The following RP1 variants were observed in gnomAD, a reference collection of about 807,000 sequenced individuals.
The protein encoded by RP1 is oxygen-regulated protein 1.
A neutral mutation model predicts 14.8 loss-of-function variants in RP1; 16 were observed. The observed-to-expected ratio is 1.08, with a 90% CI of 0.73 to 1.65. The LOEUF (loss-of-function observed/expected upper bound fraction) is 1.65. Among genes scored for constraint, RP1 ranks in the 40% most tolerant of loss-of-function variants. The pLI, the probability that RP1 is intolerant of heterozygous loss-of-function variation, is 0.00. For synonymous variants in RP1, 876 were observed against 883.6 expected (o/e 0.99, Z 0.15); for missense variants, 2,631 against 2,535.0 (o/e 1.04, Z -0.81).
At chr8:54,832,134 A>G (rs2129401431) in intron 24 of RP1, among the ~76,000 whole-genome samples, 1 of 151,732 alleles carries the variant, frequency 6.6e-6, no homozygotes, top group Admixed American at 6.6e-5. Context: ...TTTTCTTTAT[A>G]TATATTTTGC....
chr8:54,841,165 G>T (rs544530357), intron 25 of RP1, among the ~76,000 whole-genome samples: 1 of 152,312 alleles, frequency 6.6e-6, no homozygotes, highest in South Asian at 2.1e-4. Context: ...AAAGCCCACA[G>T]TGGTTTCAGA....
chr8:54,805,300 T>C (rs532948169), intron 24 of RP1, among the ~76,000 whole-genome samples: 10 of 152,346 alleles, frequency 6.6e-5, no homozygotes, highest in African/African-American at 2.4e-4. Context: ...TATCTATTTA[T>C]TTCTATCTCT....
In RP1 at chr8:54,565,809, C is replaced by T. The variant is rs946378271; in HGVS notation, c.-13+6489C>T. 1.8e-4 allele frequency among the ~76,000 whole-genome samples: 28 copies of T among 152,150 alleles called. 2 individuals are homozygous for T. Among genetic ancestry groups the T allele is most frequent in the Admixed American group, 1.1e-3 (17 of 15,268 alleles). ...CTGGAACAAAGCACCACAGACTGTG[C>T]GGCTTGAAAAACAGACAATGACTGT... On this transcript the variant is annotated intron_variant, in intron 1 of 22. Transcript: ENST00000636932.
chr8:54,641,221 A>G (rs1229356723), intron 3 of RP1, among the ~76,000 whole-genome samples: 2 of 152,136 alleles, frequency 1.3e-5, no homozygotes, highest in African/African-American at 4.8e-5. Flanking sequence ...CTGGGATTAC[A>G]GGCGTGAGCC....
chr8:54,741,707 G>GTGTATATATATATATATA (rs1554528860), intron 19 of RP1, among the ~76,000 whole-genome samples: 1 of 58,036 alleles, frequency 1.7e-5, no homozygotes, highest in African/African-American at 7.4e-5. Flanking sequence ...AAATGTGTGT[G>GTGTATATATATATATATA]TATATATATA....
Position 54,667,530 on chromosome 8 carries a change from C to G in RP1, c.1323+3680C>G, listed in dbSNP as rs561188167. Among the ~76,000 whole-genome samples the G allele has an allele frequency of 1.2e-4, 18 of 152,188 alleles. No homozygotes were observed. In the South Asian group the frequency reaches 2.1e-3, roughly 18 times the overall value. ...GGCTCCAGATGAAAAACAAACACTTCCTTTTTGAAGCTGGAGAAGCTCCTG... is the reference window on the plus strand; with the variant it reads ...GGCTCCAGATGAAAAACAAACACTTGCTTTTTGAAGCTGGAGAAGCTCCTG... On this transcript the variant is annotated intron_variant, in intron 7 of 22. Transcript: ENST00000636932.
chr8:54,838,203 G>A (rs944530597), intron 25 of RP1, among the ~76,000 whole-genome samples: 2 of 152,172 alleles, frequency 1.3e-5, no homozygotes, highest in Non-Finnish European at 2.9e-5. Flanking sequence ...TTTCTTCTTA[G>A]CTAATTATGT....
At chr8:54,748,463 G>A (rs919571381) in intron 19 of RP1, among the ~76,000 whole-genome samples, 3 of 152,160 alleles carry the variant, frequency 2.0e-5, no homozygotes, top group African/African-American at 7.2e-5. Flanking sequence ...ATAAATTCAT[G>A]TATTTGATAG....
chr8:54,637,397 TAGA>T (rs1359337751), intron 3 of RP1, among the ~76,000 whole-genome samples: 1 of 152,202 alleles, frequency 6.6e-6, no homozygotes, highest in East Asian at 1.9e-4. Flanking sequence ...CTATCCAGCA[TAGA>T]AGTTTTACTT....
chr8:54,607,778 C>A (rs1189307497), intron 1 of RP1, among the ~76,000 whole-genome samples: 1 of 152,196 alleles, frequency 6.6e-6, no homozygotes, highest in Non-Finnish European at 1.5e-5. Context: ...TGCCACCTTG[C>A]AGTTTGATCT....
chr8:54,768,790 C>A (rs1461552279), intron 22 of RP1, among the ~76,000 whole-genome samples: 1 of 152,128 alleles, frequency 6.6e-6, no homozygotes, highest in Non-Finnish European at 1.5e-5. Context: ...GCTTCTAACA[C>A]TAAAGTTTAC....
intron 14 of RP1, among the ~76,000 whole-genome samples, chr8:54,705,254 G>C (rs1808121508): frequency 6.6e-6 from 1 of 152,028 alleles, no homozygotes; most frequent in Non-Finnish European, 1.5e-5. Flanking sequence ...GTTTATTATA[G>C]AGAAAGGATA....
chr8:54,616,073 C>G (rs1805708827), upstream of RP1: 1 of 152,196 alleles, frequency 6.6e-6, no homozygotes, highest in Non-Finnish European at 1.5e-5. Context: ...GCTGGACATA[C>G]TGAGAATAAA....
At chr8:54,741,094 C>A (rs1809073932) in intron 19 of RP1, among the ~76,000 whole-genome samples, 1 of 151,610 alleles carries the variant, frequency 6.6e-6, no homozygotes, top group South Asian at 2.1e-4. Context: ...TTTTGTATGA[C>A]TGTACAGTGT....
chr8:54,739,322 G>A (rs758128586), intron 19 of RP1, among the ~76,000 whole-genome samples: 7 of 152,090 alleles, frequency 4.6e-5, no homozygotes, highest in Non-Finnish European at 1.0e-4. Context: ...CCCATCATGG[G>A]TCATACAGAG....
chr8:54,627,169 C>T lies in RP1; in HGVS notation c.3287C>T (p.Pro1096Leu). ...LMLHQLQASV[P>L]GIHKTQNGVV... is the part of the protein sequence containing the mutation. ...CTTCACCAATTGCAAGCTTCAGTTC[C>T]TGGTATTCACAAGACTCAGAATGGA... Residue 1096 changes from proline (P) to leucine (L), a missense_variant, in exon 4 of 4, where the codon CCT (proline) becomes CTT (leucine). Transcript: ENST00000220676. The T allele has an allele frequency of 2.5e-6, 4 of 1,614,008 alleles. No individual in the cohort carries two copies. Among genetic ancestry groups the T allele is most frequent in the Non-Finnish European group, 3.4e-6 (4 of 1,179,974 alleles).
intron 24 of RP1, among the ~76,000 whole-genome samples, chr8:54,786,626 T>G (rs901499423): frequency 1.3e-5 from 2 of 152,164 alleles, no homozygotes; most frequent in Non-Finnish European, 2.9e-5. Context: ...TATAATCCTT[T>G]GATTAATTTT....
At chr8:54,856,969 T>A in intron 26 of RP1, 1 of 498,404 alleles carries the variant, frequency 2.0e-6, no homozygotes, top group Non-Finnish European at 3.1e-6. Context: ...TAATACTATT[T>A]TTTTTCTAGA....
chr8:54,613,563 C>A (rs1167564466), upstream of RP1, among the ~76,000 whole-genome samples: 1 of 152,098 alleles, frequency 6.6e-6, no homozygotes, highest in Admixed American at 6.5e-5. Flanking sequence ...GTTGTTTGTG[C>A]AGTATGAAAT....
Sources: gnomAD v4.1 joint callset for allele counts (sites outside exome capture counted in the v4.1 genomes callset) on GRCh38, gnomAD v4.1.1 for gene constraint, MANE v1.5 for transcripts, NCBI Gene and HGNC (gene_info 2026-07-23, HGNC 2026-07-21) for gene names.